The following SERPINB7 variants were observed in gnomAD, a reference collection of about 807,000 sequenced individuals.
SERPINB7 encodes the protein serpin B7.
SERPINB7 carries 31 observed loss-of-function variants against 37.4 expected under a neutral mutation model. That is an observed-to-expected ratio of 0.83 (90% CI 0.62 to 1.12). The LOEUF (loss-of-function observed/expected upper bound fraction) is 1.12, where lower values mean the gene tolerates loss of function less well. Ranked by LOEUF, SERPINB7 falls within the 50% of genes most tolerant of loss-of-function variation. The probability of loss-of-function intolerance (pLI) is 0.00; values close to 1 mark genes in which losing one functional copy is unlikely to be tolerated. For synonymous variants in SERPINB7, 163 were observed against 166.1 expected (o/e 0.98, Z 0.14); for missense variants, 521 against 455.3 (o/e 1.14, Z -1.31).
intron 1 of SERPINB7, among the ~76,000 whole-genome samples, chr18:63,767,677 T>A (rs1285735682): frequency 3.3e-5 from 5 of 152,086 alleles, no homozygotes; most frequent in Non-Finnish European, 5.9e-5. Flanking sequence ...TATTCTGGAT[T>A]TTCCAGCTCA....
intron 1 of SERPINB7, among the ~76,000 whole-genome samples, chr18:63,763,103 A>G (rs2049163132): frequency 6.6e-6 from 1 of 152,272 alleles, no homozygotes; most frequent in Admixed American, 6.5e-5. Context: ...TACAAGGTAG[A>G]TGAAAATCTT....
chr18:63,799,741 T>A (rs898819869), intron 6 of SERPINB7, among the ~76,000 whole-genome samples: 1 of 152,214 alleles, frequency 6.6e-6, no homozygotes, highest in African/African-American at 2.4e-5. Flanking sequence ...TTCATGTGTG[T>A]TCTTTCTGAG....
At chr18:63,758,276 A>T (rs1231605906) in intron 1 of SERPINB7, among the ~76,000 whole-genome samples, 1 of 152,172 alleles carries the variant, frequency 6.6e-6, no homozygotes, top group Non-Finnish European at 1.5e-5. Context: ...CCAATAACTA[A>T]TTATGGCCAG....
chr18:63,804,361 A>T lies in SERPINB7; in HGVS notation c.869A>T (p.Tyr290Phe). The T allele has an allele frequency of 6.2e-7, 1 of 1,613,806 alleles. No homozygotes were observed. The highest frequency in any genetic ancestry group is 8.5e-7 in the Non-Finnish European group (1 of 1,179,880). ...GAGAAGAATTATGAAATGAAACAATATTTGAGAGCCCTAGGGCTGAAAGAT... is the reference window on the plus strand; with the variant it reads ...GAGAAGAATTATGAAATGAAACAATTTTTGAGAGCCCTAGGGCTGAAAGAT... ...KIEKNYEMKQ[Y>F]LRALGLKDIF... The change falls in exon 8 of 8, where the codon TAT becomes TTT. Residue 290 changes from tyrosine to phenylalanine, a missense_variant. Tyr to Phe is a conservative substitution (Grantham distance 22). Coordinates refer to ENST00000398019, the MANE Select transcript of SERPINB7 (RefSeq NM_003784.4).
chr18:63,777,648 T>A (rs2049261440), intron 1 of SERPINB7: 1 of 152,478 alleles, frequency 6.6e-6, no homozygotes, highest in South Asian at 2.1e-4. Context: ...TTCTTTTAAA[T>A]TGCTCTATAA....
At chr18:63,755,268 C>A (rs1239419460) in intron 1 of SERPINB7, among the ~76,000 whole-genome samples, 3 of 152,048 alleles carry the variant, frequency 2.0e-5, no homozygotes, top group African/African-American at 4.8e-5. Flanking sequence ...CTTTCTTTTT[C>A]TTCTATTTCT....
intron 3 of SERPINB7, 79 bp from the exon 4 acceptor site, chr18:63,793,082 G>T: frequency 4.3e-6 from 3 of 696,362 alleles, no homozygotes; most frequent in Non-Finnish European, 6.9e-6. Context: ...TAATTTGCAT[G>T]TTTTGTTTTA....
upstream of SERPINB7, among the ~76,000 whole-genome samples, chr18:63,770,509 T>C (rs1253113414): frequency 6.6e-6 from 1 of 151,932 alleles, no homozygotes; most frequent in Non-Finnish European, 1.5e-5. Context: ...CTATTGTCAT[T>C]ATTATTATTA....
At chr18:63,764,591 C>T (rs901897473) in intron 1 of SERPINB7, among the ~76,000 whole-genome samples, 4 of 152,046 alleles carry the variant, frequency 2.6e-5, no homozygotes, top group African/African-American at 9.7e-5. Context: ...ACTCTCCAGT[C>T]AGGTATTTCT....
chr18:63,786,116 T>A (rs112261250), intron 2 of SERPINB7, among the ~76,000 whole-genome samples: 2 of 140,524 alleles, frequency 1.4e-5, no homozygotes, highest in Admixed American at 7.5e-5. Context: ...TATGTATATA[T>A]GTATATATAT....
chr18:63,759,142 A>G (rs2049138565), intron 1 of SERPINB7, among the ~76,000 whole-genome samples: 1 of 152,156 alleles, frequency 6.6e-6, no homozygotes. Context: ...CTTCTGATGT[A>G]TCCTATCCTA....
At chr18:63,790,175 T>C (rs988219138) in intron 2 of SERPINB7, among the ~76,000 whole-genome samples, 2 of 152,250 alleles carry the variant, frequency 1.3e-5, no homozygotes, top group African/African-American at 4.8e-5. Context: ...TTTCCAGTTT[T>C]ATTATATTAT....
rs1306948919 is a variant in SERPINB7 at position 63,800,980 on chromosome 18, T to C, written c.712T>C (p.Tyr238His). The change falls in exon 7 of 8, where the codon TAC (tyrosine) becomes CAC (histidine). Residue 238 changes from tyrosine (Y) to histidine (H), a missense_variant. By Grantham distance (83) the Tyr-to-His change is moderately conservative. Transcript: ENST00000398019. ...ELRYNGGINM[Y>H]VLLPENDLSE... ...CAGATACAATGGTGGCATAAACATG[T>C]ACGTTCTGCTGCCTGAGAATGACCT... 6.2e-7 allele frequency: 1 copy of C among 1,613,910 alleles called. No individual in the cohort carries two copies.
chr18:63,801,474 T>A (rs547726161), intron 7 of SERPINB7, among the ~76,000 whole-genome samples: 2 of 152,248 alleles, frequency 1.3e-5, no homozygotes, highest in South Asian at 4.1e-4. Context: ...CAAAATCAAT[T>A]CACTGAGGGC....
Position 63,775,506 on chromosome 18 carries a change from G to T in SERPINB7, c.-229G>T, listed in dbSNP as rs1401671764. ...TCTCAGAATTTTAGAACAAATTTTT[G>T]TCTAGAAATGCTGACTTTGGTTCAT... On this transcript the variant is annotated 5_prime_UTR_variant, in exon 1 of 8. Transcript: ENST00000398019. The T allele has an allele frequency of 2.0e-5, 3 of 152,120 alleles. No homozygotes were observed. The highest frequency in any genetic ancestry group is 4.4e-5 in the Non-Finnish European group (3 of 68,018). The allele number at this position is 152,120 out of a possible 1,614,324, so 9.4% of individuals were successfully genotyped here. A position where few individuals can be genotyped will look rare whatever the true frequency, so the allele number is the denominator to read the frequency against.
chr18:63,770,187 C>A (rs1193873913), intron 1 of SERPINB7, among the ~76,000 whole-genome samples: 2 of 150,732 alleles, frequency 1.3e-5, no homozygotes, highest in African/African-American at 4.9e-5. Flanking sequence ...TATTATCATC[C>A]AAAGGATTCT....
rs188197917 is a variant in SERPINB7, at chr18:63,761,059, C to T, written c.-19+7939C>T. 2.8e-3 allele frequency among the ~76,000 whole-genome samples: 428 copies of T among 152,272 alleles called. 2 individuals are homozygous for T. The highest frequency in any genetic ancestry group is 9.7e-3 in the African/African-American group (401 of 41,554). ...AGATCCACTGACAGCTTGTACTTTG[C>T]GCCTGGAAAAGCCACACACACTCAA... is the stretch of plus-strand genomic sequence containing the variant. On this transcript the variant is annotated intron_variant, in intron 1 of 7. Transcript: ENST00000336429.
intron 1 of SERPINB7, among the ~76,000 whole-genome samples, chr18:63,764,935 T>C (rs2049172817): frequency 6.6e-6 from 1 of 152,130 alleles, no homozygotes; most frequent in African/African-American, 2.4e-5. Context: ...TTTCTAAACA[T>C]AAACCACAGA....
At chr18:63,800,059 AT>A (rs11347836) in intron 6 of SERPINB7, among the ~76,000 whole-genome samples, 16,117 of 143,362 alleles carry the variant, frequency 0.11, 1,271 homozygotes, top group East Asian at 0.39. Flanking sequence ...TAAATAGCGT[AT>A]TTTTTTTTTT....
Sources: gnomAD v4.1 joint callset for allele counts (sites outside exome capture counted in the v4.1 genomes callset) on GRCh38, gnomAD v4.1.1 for gene constraint, MANE v1.5 for transcripts, NCBI Gene and HGNC (gene_info 2026-07-23, HGNC 2026-07-21) for gene names.